ERN1: variants seen among roughly 807,000 people sequenced by gnomAD.
ERN1 encodes the protein serine/threonine-protein kinase/endoribonuclease IRE1.
ERN1 carries 39 observed loss-of-function variants against 113.1 expected under a neutral mutation model. The observed-to-expected ratio is 0.34, with a 90% CI of 0.27 to 0.45. The LOEUF is 0.45. ERN1 is among the 20% of genes least tolerant of loss of function. The pLI, the probability that ERN1 is intolerant of heterozygous loss-of-function variation, is 1.00. For missense variants in ERN1, 976 were observed against 1,274.8 expected (o/e 0.77, Z 3.57); for synonymous variants, 507 against 515.9 (o/e 0.98, Z 0.23).
intron 1 of ERN1, among the ~76,000 whole-genome samples, chr17:64,100,633 T>C (rs1290768094): frequency 6.6e-6 from 1 of 152,000 alleles, no homozygotes; most frequent in East Asian, 1.9e-4. Context: ...TAGCCAGGCA[T>C]GGTGGCATGT....
At chr17:64,082,215 G>A (rs528631834) in intron 2 of ERN1, among the ~76,000 whole-genome samples, 8 of 152,068 alleles carry the variant, frequency 5.3e-5, no homozygotes, top group Non-Finnish European at 1.0e-4. Flanking sequence ...CACCATATGC[G>A]GTCTGTGGGC....
chr17:64,109,681 C>T (rs1314079361), intron 1 of ERN1, among the ~76,000 whole-genome samples: 3 of 152,156 alleles, frequency 2.0e-5, no homozygotes, highest in Non-Finnish European at 4.4e-5. Flanking sequence ...ATTACCTTAC[C>T]CAACCCTCTC....
At chr17:64,079,633 G>C (rs775449261) in intron 4 of ERN1, 29 bp downstream of exon 4, 20 of 1,574,680 alleles carry the variant, frequency 1.3e-5, no homozygotes, top group Non-Finnish European at 1.7e-5. Context: ...AGAACCCCTG[G>C]AGTACAAAAA....
intron 4 of ERN1, 56 bp downstream of exon 4, chr17:64,079,606 T>C: frequency 1.4e-6 from 2 of 1,411,018 alleles, no homozygotes; most frequent in Non-Finnish European, 2.0e-6. Flanking sequence ...GCAGACACAC[T>C]TAAGGACCGC....
At chr17:64,114,297 T>C (rs1432266053) in intron 1 of ERN1, among the ~76,000 whole-genome samples, 1 of 151,962 alleles carries the variant, frequency 6.6e-6, no homozygotes, top group Non-Finnish European at 1.5e-5. Flanking sequence ...GACACAAACA[T>C]AAAATGACAA....
intron 1 of ERN1, among the ~76,000 whole-genome samples, chr17:64,126,168 T>G (rs1915076089): frequency 6.6e-6 from 1 of 152,202 alleles, no homozygotes; most frequent in Non-Finnish European, 1.5e-5. Context: ...TAAGCCAGCA[T>G]CACGCTCTAA....
At chr17:64,079,599 G>A in intron 4 of ERN1, 63 bp downstream of exon 4, 1 of 1,328,182 alleles carries the variant, frequency 7.5e-7, no homozygotes, top group Non-Finnish European at 1.1e-6. Flanking sequence ...ACACTGTGCA[G>A]ACACACTTAA....
At chr17:64,090,687 G>A (rs1193694123) in intron 2 of ERN1, among the ~76,000 whole-genome samples, 2 of 152,164 alleles carry the variant, frequency 1.3e-5, no homozygotes, top group Admixed American at 6.5e-5. Context: ...TGAGATCCAC[G>A]CTACTACGTG....
chr17:64,055,540 C>A, intron 13 of ERN1, 135 bp downstream of exon 13: 1 of 861,552 alleles, frequency 1.2e-6, no homozygotes, highest in Non-Finnish European at 1.7e-6. Flanking sequence ...CACAGAGACC[C>A]CCAGAGTGGA....
At chr17:64,112,500 TA>T (rs1914700408) in intron 1 of ERN1, among the ~76,000 whole-genome samples, 1 of 152,220 alleles carries the variant, frequency 6.6e-6, no homozygotes, top group South Asian at 2.1e-4. Context: ...ATGCTGCGGC[TA>T]AACGATTCAA....
chr17:64,064,799 A>C (rs2143370458), intron 9 of ERN1, among the ~76,000 whole-genome samples: 1 of 152,322 alleles, frequency 6.6e-6, no homozygotes, highest in South Asian at 2.1e-4. Flanking sequence ...GTGTGAGGTG[A>C]GGAGCAGCCT....
intron 1 of ERN1, among the ~76,000 whole-genome samples, chr17:64,101,267 G>C (rs1914377298): frequency 6.6e-6 from 1 of 152,002 alleles, no homozygotes; most frequent in Non-Finnish European, 1.5e-5. Flanking sequence ...AAATTAGCCG[G>C]GCGTGGTGGT....
Position 64,063,888 on chromosome 17 carries a change from C to T in ERN1, c.1087+98G>A. 1.7e-6 allele frequency: 2 copies of T among 1,194,626 alleles called. No homozygotes were observed. Among genetic ancestry groups the T allele is most frequent in the Non-Finnish European group, 2.4e-6 (2 of 838,176 alleles). 74.0% of individuals were successfully genotyped at this position (1,194,626 alleles called of 1,614,324 possible). A position where few individuals can be genotyped will look rare whatever the true frequency, so the allele number is the denominator to read the frequency against. ...CCGGGAAGGGCTCTGAGCACAAGGCCTTCCGAGCTCAGTACGGTGTAACTA... is the reference window on the plus strand; with the variant it reads ...CCGGGAAGGGCTCTGAGCACAAGGCTTTCCGAGCTCAGTACGGTGTAACTA... On this transcript the variant is annotated intron_variant, in intron 10 of 21. Transcript: ENST00000433197. The surrounding 1 kb of genome is among the most constrained non-coding windows in gnomAD (Gnocchi z 5.1).
At chr17:64,066,583 G>C in intron 8 of ERN1, 88 bp downstream of exon 8, 1 of 1,493,822 alleles carries the variant, frequency 6.7e-7, no homozygotes, top group African/African-American at 1.4e-5. Context: ...CCCTGTCTTT[G>C]GCCTCCCGTG....
At chr17:64,057,615 G>A (rs1038339136) in intron 12 of ERN1, among the ~76,000 whole-genome samples, 187 bp downstream of exon 12, 12 of 152,126 alleles carry the variant, frequency 7.9e-5, no homozygotes, top group Admixed American at 7.9e-4. Flanking sequence ...TGATCCACCC[G>A]CCTCGGCCTC....
At chr17:64,082,951 A>T (rs1913813577) in intron 2 of ERN1, among the ~76,000 whole-genome samples, 2 of 152,190 alleles carry the variant, frequency 1.3e-5, no homozygotes, top group African/African-American at 4.8e-5. Flanking sequence ...ACCTGGAATA[A>T]GCCTCTTCAA....
At chr17:64,065,579 C>G (rs546151066) in intron 8 of ERN1, among the ~76,000 whole-genome samples, 13 of 152,268 alleles carry the variant, frequency 8.5e-5, no homozygotes, top group Admixed American at 1.3e-4. Context: ...GAAAGGACTA[C>G]GCCCAGTGGC....
intron 1 of ERN1, among the ~76,000 whole-genome samples, chr17:64,108,462 C>CAG (rs1293711602): frequency 6.6e-6 from 1 of 152,146 alleles, no homozygotes; most frequent in Non-Finnish European, 1.5e-5. Context: ...GTTAGGAAAA[C>CAG]AAGCCCTTTT....
At chr17:64,045,505 A>AGAT (rs1403533648) in intron 19 of ERN1, 23 bp from the exon 20 acceptor site, 1 of 1,613,606 alleles carries the variant, frequency 6.2e-7, no homozygotes, top group Non-Finnish European at 8.5e-7. Flanking sequence ...CAAGGGCAGC[A>AGAT]GATGATGGTC....
Sources: allele counts gnomAD v4.1 joint callset (sites outside exome capture counted in the v4.1 genomes callset), GRCh38; gene constraint gnomAD v4.1.1; non-coding constraint Gnocchi (gnomAD v3.1); transcripts MANE v1.5; gene names NCBI Gene and HGNC (gene_info 2026-07-23, HGNC 2026-07-21).